WDR86: variants seen among roughly 807,000 people sequenced by gnomAD.
The protein encoded by WDR86 is WD repeat domain 86, also known as WD repeat-containing protein 86.
A neutral mutation model predicts 36.5 loss-of-function variants in WDR86; 30 were observed. The ratio of observed to expected loss-of-function variants is 0.82; its 90% CI spans 0.61 to 1.11. WDR86 has a LOEUF of 1.11. Ranked by LOEUF, WDR86 falls within the 50% of genes most tolerant of loss-of-function variation. The probability of loss-of-function intolerance (pLI) is 0.00; values close to 1 mark genes in which losing one functional copy is unlikely to be tolerated. For missense variants in WDR86, 545 were observed against 561.2 expected (o/e 0.97, Z 0.29); for synonymous variants, 255 against 252.9 (o/e 1.01, Z -0.08).
chr7:151,395,246 A>G (rs185777896), intron 3 of WDR86, among the ~76,000 whole-genome samples: 7 of 152,324 alleles, frequency 4.6e-5, no homozygotes, highest in Admixed American at 3.9e-4. Flanking sequence ...AAAACAGTCA[A>G]CACCCGCTCC....
intron 1 of WDR86, among the ~76,000 whole-genome samples, chr7:151,402,070 A>AAAAAAAAATATATAT: frequency 1.4e-4 from 7 of 50,534 alleles, no homozygotes; most frequent in African/African-American, 4.7e-4. Flanking sequence ...AAAAAAAAAA[A>AAAAAAAAATATATAT]ATATATATAT....
At chr7:151,373,985 C>A, downstream of WDR86, 1 of 1,233,106 alleles carries the variant, frequency 8.1e-7, no homozygotes, top group Non-Finnish European at 1.1e-6. Context: ...CTGTGCTTTG[C>A]TTTGGTTTTT....
intron 2 of WDR86, among the ~76,000 whole-genome samples, chr7:151,397,136 G>A (rs1799881327): frequency 1.3e-5 from 2 of 152,254 alleles, no homozygotes; most frequent in Admixed American, 1.3e-4. Context: ...GGCCGTGGCT[G>A]CACTGTAACA....
the WDR86 span, among the ~76,000 whole-genome samples, chr7:151,369,391 CCT>C: frequency 1.3e-5 from 2 of 152,096 alleles, no homozygotes; most frequent in South Asian, 4.1e-4. Context: ...CAAACGGTCC[CCT>C]CTCTCTCTTT....
At position 151,396,072 on chromosome 7, in the gene WDR86, C is replaced by G. The variant is rs1230055437; in HGVS notation, c.430G>C (p.Ala144Pro). 6.2e-7 allele frequency: 1 copy of G among 1,612,670 alleles called. No individual in the cohort carries two copies. The highest frequency in any genetic ancestry group is 1.3e-5 in the African/African-American group (1 of 75,074). ...RGHRNCVLTL[A>P]YSAPWDLPST... ...GGGAGGTCCCACGGGGCAGAGTAGG[C>G]TAGGGTCAGCACGCAGTTGCGGTGG... is the stretch of plus-strand genomic sequence containing the variant. The change falls in exon 3 of 6, where the codon GCC becomes CCC. Residue 144 changes from alanine to proline, a missense_variant. By Grantham distance (27) the Ala-to-Pro change is conservative. Coordinates refer to ENST00000334493, the MANE Select transcript of WDR86 (RefSeq NM_198285.3).
downstream of WDR86, among the ~76,000 whole-genome samples, chr7:151,373,844 A>G (rs1584973547): frequency 1.3e-5 from 2 of 152,272 alleles, no homozygotes; most frequent in African/African-American, 4.8e-5. Context: ...GGGGCTGGCG[A>G]GGCACCTCCT....
In WDR86 at chr7:151,385,190, C is replaced by T; in HGVS notation, c.760G>A (p.Asp254Asn). 1 of 1,612,932 alleles carries T rather than the reference C, an allele frequency of 6.2e-7. No individual in the cohort carries two copies. Among genetic ancestry groups the T allele is most frequent in the Non-Finnish European group, 8.5e-7 (1 of 1,179,892 alleles). ...VNRLVYSGSA[D>N]RTVKCWLADT... Reference sequence around the variant, plus strand: ...GCCAGCCAGCACTTGACGGTCCTGTCCGCGCTGCCAGAGTACACGAGTCGG... The same window carrying T: ...GCCAGCCAGCACTTGACGGTCCTGTTCGCGCTGCCAGAGTACACGAGTCGG... Residue 254 changes from aspartate (D) to asparagine (N), a missense_variant, in exon 4 of 6, where the codon GAC becomes AAC. Asp to Asn is a conservative substitution (Grantham distance 23). Transcript: ENST00000334493.
downstream of WDR86, among the ~76,000 whole-genome samples, chr7:151,380,121 C>T (rs545527448): frequency 2.0e-5 from 3 of 152,294 alleles, no homozygotes; most frequent in East Asian, 1.9e-4. Context: ...GCCGTTTCTG[C>T]GGGTTCTCCT....
rs1203170712 is a variant in WDR86 at position 151,409,153 on chromosome 7, G to C, written c.163+274C>G. 6.0e-6 allele frequency: 4 copies of C among 664,796 alleles called. No homozygotes were observed. The highest frequency in any genetic ancestry group is 1.1e-5 in the Non-Finnish European group (4 of 356,832). 41.2% of individuals were successfully genotyped at this position (664,796 alleles called of 1,614,324 possible). The stretch of plus-strand genomic sequence containing the variant: ...GATTTCCTGCCGCTGGTTGACAAAT[G>C]ATCTTCGCCTTTGTAGCGGACGCCC... On this transcript the variant is annotated intron_variant, in intron 1 of 5. Transcript: ENST00000334493. This position sits in a 1 kb window ranked among gnomAD's most constrained non-coding sequence, Gnocchi z 5.2.
Position 151,388,759 on chromosome 7 carries a change from GC to G in WDR86, c.727-3537del, listed in dbSNP as rs1202263451. ...AGGGAAGCAGGGAGGATGCTTTGTG[GC>G]CACCTGGTCCCCAGGCTGACGGTCG... On this transcript the variant is annotated intron_variant, in intron 3 of 5. Transcript: ENST00000334493. The surrounding 1 kb of genome is among the most constrained non-coding windows in gnomAD (Gnocchi z 4.2). Among the ~76,000 whole-genome samples the G allele has an allele frequency of 6.6e-6, 1 of 152,206 alleles. No homozygotes were observed. The highest frequency in any genetic ancestry group is 6.5e-5 in the Admixed American group (1 of 15,288).
rs189104506 is a variant in WDR86 at position 151,393,283 on chromosome 7, C to T, written c.726+2493G>A. ...CATGCATGTGCATGTGGAGTGTGTG[C>T]GCCTATGCCTGTGTGTGCACACAGG... On this transcript the variant is annotated intron_variant, in intron 3 of 5. Coordinates refer to ENST00000334493, the MANE Select transcript of WDR86 (RefSeq NM_198285.3). Among the ~76,000 whole-genome samples the T allele has an allele frequency of 1.2e-4, 18 of 152,230 alleles. 1 individual carries two copies. The East Asian group carries it at 1.9e-3, about 16-fold the overall frequency.
In WDR86 at chr7:151,382,047, G is replaced by A. The variant is rs1798632560; in HGVS notation, c.863-66C>T. The stretch of plus-strand genomic sequence containing the variant: ...GGCCCCCCGCAAGCAGGGATGGGGC[G>A]GCGAGAGCGTGACCTGGGGCGTCTC... On this transcript the variant is annotated intron_variant, in intron 4 of 5. Coordinates refer to ENST00000334493, the MANE Select transcript of WDR86 (RefSeq NM_198285.3). 8 of 1,452,020 alleles carry A rather than the reference G, an allele frequency of 5.5e-6. No homozygotes were observed. In the East Asian group the frequency reaches 7.4e-5, roughly 13 times the overall value. The allele number at this position is 1,452,020 out of a possible 1,614,324, so 89.9% of individuals were successfully genotyped here.
downstream of WDR86, chr7:151,376,985 C>A: frequency 1.4e-6 from 2 of 1,443,962 alleles, no homozygotes; most frequent in South Asian, 2.9e-5. Context: ...TGACTGTGGT[C>A]GTGCAGTGTC....
chr7:151,378,368 T>G (rs545349942), downstream of WDR86: 4 of 152,346 alleles, frequency 2.6e-5, no homozygotes, highest in African/African-American at 7.2e-5. Flanking sequence ...GTGGTCCAGT[T>G]TGGACTGATG....
In WDR86 at chr7:151,395,934, G is replaced by A. The variant is rs771971075; in HGVS notation, c.568C>T (p.Arg190Trp). 105 of 1,593,816 alleles carry A rather than the reference G, an allele frequency of 6.6e-5. No homozygotes were observed. Among genetic ancestry groups the A allele is most frequent in the South Asian group, 5.0e-4 (44 of 88,854 alleles). ...VASGCCHQTL[R>W]GHTGAVLCLV... ...CACAGCACTGCACCCGTGTGGCCCC[G>A]CAGCGTCTGGTGGCAGCAGCCGCTG... is the stretch of plus-strand genomic sequence containing the variant. Residue 190 changes from arginine to tryptophan, a missense_variant, in exon 3 of 6, where the codon CGG (arginine) becomes TGG (tryptophan). Transcript: ENST00000334493.
chr7:151,397,701 T>TGTAGC (rs1799943141), intron 2 of WDR86, among the ~76,000 whole-genome samples: 1 of 34,870 alleles, frequency 2.9e-5, no homozygotes, highest in Non-Finnish European at 6.0e-5. Flanking sequence ...GAGGGTGTAG[T>TGTAGC]GGGAGGAAGG....
Position 151,409,753 on chromosome 7 carries a change from GCT to G in WDR86, c.-166_-165del. ...GGCGAGGGGAGGGTGAAGGACCCTA[GCT>G]CCCCGCTGCCTCCAGCCTCTGGGCC... On this transcript the variant is annotated 5_prime_UTR_variant, in exon 1 of 6. Coordinates refer to ENST00000334493, the MANE Select transcript of WDR86 (RefSeq NM_198285.3). The surrounding 1 kb of genome is among the most constrained non-coding windows in gnomAD (Gnocchi z 5.2). 14 of 1,286,418 alleles carry G rather than the reference GCT, an allele frequency of 1.1e-5. No individual in the cohort carries two copies. Among genetic ancestry groups the G allele is most frequent in the Non-Finnish European group, 1.4e-5 (14 of 1,021,172 alleles). 79.7% of individuals were successfully genotyped at this position (1,286,418 alleles called of 1,614,324 possible). A position where few individuals can be genotyped will look rare whatever the true frequency, so the allele number is the denominator to read the frequency against.
In WDR86 at chr7:151,400,738, G is replaced by A. The variant is rs529794257; in HGVS notation, c.164-497C>T. On this transcript the variant is annotated intron_variant, in intron 1 of 5. Transcript: ENST00000334493. Reference sequence around the variant, plus strand: ...AGTCTGAGTGATTCTCAGAAAGCACGGGGTACCAGTGAGGCACGACAGATA... The same window carrying A: ...AGTCTGAGTGATTCTCAGAAAGCACAGGGTACCAGTGAGGCACGACAGATA... Among the ~76,000 whole-genome samples the A allele has an allele frequency of 5.3e-5, 8 of 152,276 alleles. No homozygotes were observed. In the East Asian group the frequency reaches 1.3e-3, roughly 26 times the overall value.
chr7:151,381,916 C>A lies in WDR86; in HGVS notation c.928G>T (p.Val310Leu). The stretch of plus-strand genomic sequence containing the variant: ...ATGATGAATGTGTGGCCCCGGAACA[C>A]CCTCCGCAGCTCTCCAGACTGCGCG... ...FDAQSGELRR[V>L]FRGHTFIINC... is the part of the protein sequence containing the mutation. Residue 310 changes from valine to leucine, a missense_variant, in exon 5 of 6, where the codon GTG becomes TTG. Val to Leu is a conservative substitution (Grantham distance 32). Coordinates refer to ENST00000334493, the MANE Select transcript of WDR86 (RefSeq NM_198285.3). The surrounding 1 kb of genome is among the most constrained non-coding windows in gnomAD (Gnocchi z 4.8). 6.2e-7 allele frequency: 1 copy of A among 1,610,486 alleles called. No individual in the cohort carries two copies. The highest frequency in any genetic ancestry group is 8.5e-7 in the Non-Finnish European group (1 of 1,178,806).
Sources: gnomAD v4.1 joint callset for allele counts (sites outside exome capture counted in the v4.1 genomes callset) on GRCh38, gnomAD v4.1.1 for gene constraint, Gnocchi (gnomAD v3.1) non-coding constraint, MANE v1.5 for transcripts, NCBI Gene and HGNC (gene_info 2026-07-23, HGNC 2026-07-21) for gene names.